FLCN: variants seen among roughly 807,000 people sequenced by gnomAD.
The protein encoded by FLCN is BHD skin lesion fibrofolliculoma protein.
FLCN carries 22 observed loss-of-function variants against 62.5 expected under a neutral mutation model. The ratio of observed to expected loss-of-function variants is 0.35; its 90% CI spans 0.25 to 0.50. The LOEUF (loss-of-function observed/expected upper bound fraction) is 0.50, where lower values mean the gene tolerates loss of function less well. FLCN is among the 20% of genes least tolerant of loss of function. The pLI is 0.97. For missense variants in FLCN, 657 were observed against 778.0 expected (o/e 0.84, Z 1.85); for synonymous variants, 319 against 310.0 (o/e 1.03, Z -0.30).
chr17:17,221,430 C>G (rs768447181), intron 8 of FLCN, 107 bp downstream of exon 8: 2 of 1,614,010 alleles, frequency 1.2e-6, no homozygotes, highest in East Asian at 2.2e-5. Context: ...TGGGCTGATT[C>G]AGAGCCGCGT....
chr17:17,214,603 T>A (rs1489615767), intron 13 of FLCN, among the ~76,000 whole-genome samples: 1 of 151,758 alleles, frequency 6.6e-6, no homozygotes, highest in African/African-American at 2.4e-5. Context: ...TCAAAAAAAA[T>A]AAAAAATAAA....
rs1293908927 is a variant in FLCN at position 17,227,875 on chromosome 17, C to T, written c.249+14G>A. The T allele has an allele frequency of 5.6e-6, 9 of 1,613,960 alleles. No homozygotes were observed. Among genetic ancestry groups the T allele is most frequent in the Non-Finnish European group, 6.8e-6 (8 of 1,180,018 alleles). ...CTGCAGGGATCACAAAACCAAGACCCCAAAGACACTTGCCTCGCACATGTC... is the reference window on the plus strand; with the variant it reads ...CTGCAGGGATCACAAAACCAAGACCTCAAAGACACTTGCCTCGCACATGTC... On this transcript the variant is annotated intron_variant, in intron 4 of 13. Coordinates refer to ENST00000285071, the MANE Select transcript of FLCN (RefSeq NM_144997.7).
At chr17:17,230,725 CAAAA>C (rs758208758) in intron 3 of FLCN, among the ~76,000 whole-genome samples, 2 of 66,090 alleles carry the variant, frequency 3.0e-5, no homozygotes, top group African/African-American at 5.6e-5. Flanking sequence ...GACTCCATCT[CAAAA>C]AAAAAAAAAA....
chr17:17,234,893 C>G (rs1211048591), intron 1 of FLCN, among the ~76,000 whole-genome samples: 1 of 151,922 alleles, frequency 6.6e-6, no homozygotes, highest in Non-Finnish European at 1.5e-5. Flanking sequence ...GGGCAGATCA[C>G]GAGGTCAGGA....
chr17:17,218,670 C>T (rs1338784344), intron 9 of FLCN, among the ~76,000 whole-genome samples: 2 of 152,146 alleles, frequency 1.3e-5, no homozygotes, highest in Non-Finnish European at 2.9e-5. Context: ...TGAGAGCCAC[C>T]ACGCCCAGCC....
intron 5 of FLCN, chr17:17,225,111 A>T (rs1183749060): frequency 6.6e-6 from 1 of 152,296 alleles, no homozygotes; most frequent in Non-Finnish European, 1.5e-5. Context: ...CTCAGAGTCA[A>T]GAGCAACAGC....
rs2046917077 is a variant in FLCN, at chr17:17,216,329, GT to G, written c.1300+50del. On this transcript the variant is annotated intron_variant, in intron 11 of 13. Transcript: ENST00000285071. The surrounding 1 kb of genome is among the most constrained non-coding windows in gnomAD (Gnocchi z 4.0). ...TCTGGTTCCACTTTGGGCCTGAGGC[GT>G]GGGGAACCTCAGCGCAGGGCATGGC... The G allele has an allele frequency of 6.2e-7, 1 of 1,608,950 alleles. No homozygotes were observed. The highest frequency in any genetic ancestry group is 8.5e-7 in the Non-Finnish European group (1 of 1,177,546).
At chr17:17,215,864 G>A (rs896258718) in intron 11 of FLCN, among the ~76,000 whole-genome samples, 1 of 152,204 alleles carries the variant, frequency 6.6e-6, no homozygotes, top group African/African-American at 2.4e-5. Flanking sequence ...AGCCTGGGGG[G>A]CTGATCCCTG....
chr17:17,213,250 T>G lies in FLCN; in HGVS notation c.*405A>C. 1 of 397,112 alleles carries G rather than the reference T, an allele frequency of 2.5e-6. No homozygotes were observed. Among genetic ancestry groups the G allele is most frequent in the Non-Finnish European group, 4.7e-6 (1 of 212,224 alleles). 24.6% of individuals were successfully genotyped at this position (397,112 alleles called of 1,614,324 possible). A position where few individuals can be genotyped will look rare whatever the true frequency, so the allele number is the denominator to read the frequency against. On this transcript the variant is annotated 3_prime_UTR_variant, in exon 14 of 14. Transcript: ENST00000285071. ...AAGGCCCAGAAACTCTTGCTGAATT[T>G]CAAAGTAGAAACGCTTGAATGTTAA...
At chr17:17,218,229 C>T (rs1009142029) in intron 9 of FLCN, among the ~76,000 whole-genome samples, 6 of 152,276 alleles carry the variant, frequency 3.9e-5, no homozygotes, top group South Asian at 4.1e-4. Context: ...TAGATTTTGT[C>T]GTGTCTGGCA....
At chr17:17,218,417 G>A (rs934618580) in intron 9 of FLCN, among the ~76,000 whole-genome samples, 3 of 132,472 alleles carry the variant, frequency 2.3e-5, no homozygotes, top group Non-Finnish European at 3.1e-5. Context: ...ATGGAGTCTC[G>A]CTCTGTCACC....
At chr17:17,221,700 T>C in intron 7 of FLCN, 72 bp from the exon 8 acceptor site, 5 of 1,510,174 alleles carry the variant, frequency 3.3e-6, no homozygotes, top group Non-Finnish European at 4.5e-6. Context: ...ACCCAGCCCC[T>C]GATCCTACCA....
chr17:17,214,518 C>G (rs1324194306), intron 13 of FLCN, among the ~76,000 whole-genome samples: 1 of 151,942 alleles, frequency 6.6e-6, no homozygotes. Context: ...CGCTTGAACC[C>G]GGGAGGCGGA....
At position 17,216,349 on chromosome 17, in the gene FLCN, G is replaced by A. The variant is rs1178103099; in HGVS notation, c.1300+31C>T. The A allele has an allele frequency of 2.5e-6, 4 of 1,612,378 alleles. No homozygotes were observed. The highest frequency in any genetic ancestry group is 2.5e-6 in the Non-Finnish European group (3 of 1,179,386). On this transcript the variant is annotated intron_variant, in intron 11 of 13. Transcript: ENST00000285071. This position sits in a 1 kb window ranked among gnomAD's most constrained non-coding sequence, Gnocchi z 4.0. ...GAGGCGTGGGGAACCTCAGCGCAGG[G>A]CATGGCCCCACAGCCCGCGGGGGCA...
intron 7 of FLCN, 41 bp from the exon 8 acceptor site, chr17:17,221,669 G>A: frequency 3.1e-6 from 5 of 1,592,934 alleles, no homozygotes; most frequent in Non-Finnish European, 4.3e-6. Flanking sequence ...CTCGCCAAAG[G>A]AAAAAGCAAA....
intron 3 of FLCN, chr17:17,228,592 GGCAA>G (rs879808064): frequency 0.039 from 7,722 of 200,504 alleles, 349 homozygotes; most frequent in South Asian, 0.16. Flanking sequence ...CAAGGTGCTA[GGCAA>G]CATGATACTG....
intron 3 of FLCN, chr17:17,229,247 G>A (rs1012145951): frequency 6.6e-6 from 1 of 152,502 alleles, no homozygotes; most frequent in Non-Finnish European, 1.5e-5. Flanking sequence ...GTGGAGAAGG[G>A]AGGACAGCTA....
chr17:17,221,657 T>C, intron 7 of FLCN, 29 bp from the exon 8 acceptor site: 3 of 1,600,436 alleles, frequency 1.9e-6, no homozygotes, highest in South Asian at 1.1e-5. Flanking sequence ...GCTATGAGCG[T>C]TCTCGCCAAA....
intron 1 of FLCN, among the ~76,000 whole-genome samples, chr17:17,234,214 GT>G (rs1436629658): frequency 1.0e-4 from 13 of 125,258 alleles, no homozygotes; most frequent in Admixed American, 9.3e-4. Context: ...TTTTTTTTTG[GT>G]TTGTTTTTTT....
Sources: allele counts gnomAD v4.1 joint callset (sites outside exome capture counted in the v4.1 genomes callset), GRCh38; gene constraint gnomAD v4.1.1; non-coding constraint Gnocchi (gnomAD v3.1); transcripts MANE v1.5; gene names NCBI Gene and HGNC (gene_info 2026-07-23, HGNC 2026-07-21).